The following HEATR4 variants were observed in gnomAD, a reference collection of about 807,000 sequenced individuals.
HEATR4 encodes the protein HEAT repeat containing 4, also known as HEAT repeat-containing protein 4.
Under a neutral mutation model 108.8 loss-of-function variants are expected in HEATR4, and 95 were observed. The observed-to-expected ratio is 0.87, with a 90% confidence interval of 0.74 to 1.04. The LOEUF is 1.04. Ranked by LOEUF, HEATR4 falls within the 50% of genes least tolerant of loss-of-function variation. HEATR4 has a pLI of 0.00. For synonymous variants in HEATR4, 443 were observed against 459.4 expected, an observed-to-expected ratio of 0.96 and a Z score of 0.46; for missense variants, 1,152 against 1,253.8, an observed-to-expected ratio of 0.92 and a Z score of 1.23.
the HEATR4 span, among the ~76,000 whole-genome samples, chr14:73,618,645 C>A: frequency 6.6e-6 from 1 of 152,104 alleles, no homozygotes; most frequent in African/African-American, 2.4e-5. Flanking sequence ...CTGTATTTAA[C>A]AGTTTGTTCA....
Position 73,522,926 on chromosome 14 carries a change from T to A in HEATR4, c.227A>T (p.Glu76Val). The A allele has an allele frequency of 6.2e-7, 1 of 1,614,144 alleles. No homozygotes were observed. Among genetic ancestry groups the A allele is most frequent in the South Asian group, 1.1e-5 (1 of 91,086 alleles). Residue 76 changes from glutamate (E) to valine (V), a missense_variant, in exon 3 of 18, where the codon GAG (glutamate) becomes GTG (valine). Transcript: ENST00000553558. Reference sequence around the variant, plus strand: ...GGGCAGGCCTCGCTGCCACACCACCTCCTGAGAGAAGGTAAGGTTTGCAGC... The same window carrying A: ...GGGCAGGCCTCGCTGCCACACCACCACCTGAGAGAAGGTAAGGTTTGCAGC... ...MAAANLTFSQ[E>V]VVWQRGLPSI...
chr14:73,484,940 G>T (rs1415089034), intron 17 of HEATR4, among the ~76,000 whole-genome samples: 1 of 151,922 alleles, frequency 6.6e-6, no homozygotes, highest in Non-Finnish European at 1.5e-5. Context: ...GAGGCAGGTG[G>T]ATCACCTGAG....
chr14:73,614,902 G>C, the HEATR4 span, among the ~76,000 whole-genome samples: 1 of 151,438 alleles, frequency 6.6e-6, no homozygotes, highest in East Asian at 2.0e-4. Flanking sequence ...TTCGAGACCA[G>C]CCTGACCAAC....
chr14:73,486,825 G>A (rs1326613802), intron 17 of HEATR4, among the ~76,000 whole-genome samples: 1 of 152,184 alleles, frequency 6.6e-6, no homozygotes, highest in African/African-American at 2.4e-5. Flanking sequence ...CTAATGATGG[G>A]ATGAATTTTG....
At chr14:73,580,042 G>C in the HEATR4 span, among the ~76,000 whole-genome samples, 10 of 152,168 alleles carry the variant, frequency 6.6e-5, no homozygotes, top group South Asian at 2.1e-3. Context: ...AGGTTGCAGT[G>C]AGCCAAGATT....
chr14:73,539,733 C>G lies in HEATR4; in HGVS notation c.-151-9489G>C, dbSNP rs1889012405. The G allele has an allele frequency of 1.7e-5, 2 of 118,978 alleles. 1 individual carries two copies. Among genetic ancestry groups the G allele is most frequent in the African/African-American group, 5.5e-5 (2 of 36,358 alleles). 7.4% of individuals were successfully genotyped at this position (118,978 alleles called of 1,614,324 possible). On this transcript the variant is annotated intron_variant, in intron 1 of 17. Coordinates refer to ENST00000553558, the MANE Select transcript of HEATR4 (RefSeq NM_001220484.1). The stretch of plus-strand genomic sequence containing the variant: ...AGCCCCACAGGATGCCGTCTGGAAG[C>G]TGCCAGCACGCGGTCCCTGTCCATC...
At position 73,512,291 on chromosome 14, in the gene HEATR4, T is replaced by C. The variant is rs1595117522; in HGVS notation, c.1415-142A>G. 4.3e-6 allele frequency: 4 copies of C among 924,866 alleles called. No individual in the cohort carries two copies. In the East Asian group the frequency reaches 1.1e-4, roughly 25 times the overall value. The allele number at this position is 924,866 out of a possible 1,614,324, so 57.3% of individuals were successfully genotyped here. On this transcript the variant is annotated intron_variant, in intron 6 of 17. Transcript: ENST00000553558. ...CTCAGAAGAATAAAGGGCCCAGAGA[T>C]GGGGTCTTTAGGGAGTTATTTCTCT...
At chr14:73,627,207 A>G in the HEATR4 span, among the ~76,000 whole-genome samples, 1 of 151,752 alleles carries the variant, frequency 6.6e-6, no homozygotes, top group African/African-American at 2.4e-5. Flanking sequence ...TCCCTGGTGC[A>G]ATTCTCTCAC....
At chr14:73,547,850 C>T (rs1889258527) in intron 1 of HEATR4, among the ~76,000 whole-genome samples, 1 of 115,528 alleles carries the variant, frequency 8.7e-6, no homozygotes, top group Non-Finnish European at 1.9e-5. Context: ...TGTGTTACTG[C>T]ACTCCAGCCT....
upstream of HEATR4, among the ~76,000 whole-genome samples, chr14:73,563,806 AAAATAAAT>A (rs1035763304): frequency 9.2e-5 from 14 of 151,896 alleles, 1 homozygote; most frequent in Non-Finnish European, 2.1e-4. Context: ...TAAAAATAAA[AAAATAAAT>A]AAATAAATGG....
the HEATR4 span, among the ~76,000 whole-genome samples, chr14:73,630,721 T>C: frequency 1.3e-5 from 2 of 152,216 alleles, no homozygotes; most frequent in Admixed American, 6.5e-5. Flanking sequence ...AAAATTACAG[T>C]AATATTTTGA....
intron 17 of HEATR4, among the ~76,000 whole-genome samples, chr14:73,484,833 G>GACAC (rs529857941): frequency 0.011 from 1,614 of 141,628 alleles, 26 homozygotes; most frequent in African/African-American, 0.036. Context: ...CACACACACA[G>GACAC]ACACACACAC....
the HEATR4 span, chr14:73,617,069 C>T: frequency 1.3e-5 from 18 of 1,419,140 alleles, no homozygotes; most frequent in Admixed American, 1.5e-4. Flanking sequence ...GCCTCCTGGC[C>T]GGACATGGTT....
the HEATR4 span, among the ~76,000 whole-genome samples, chr14:73,566,519 C>T: frequency 0.29 from 43,546 of 151,886 alleles, 7,287 homozygotes; most frequent in East Asian, 0.64. Context: ...TTGAGCACAG[C>T]GCCAGTGGGC....
At chr14:73,626,513 A>C in the HEATR4 span, among the ~76,000 whole-genome samples, 1 of 152,184 alleles carries the variant, frequency 6.6e-6, no homozygotes, top group African/African-American at 2.4e-5. Flanking sequence ...ATTTAAGGAA[A>C]GAAGCCATCT....
chr14:73,489,239 T>A (rs1412816620), intron 17 of HEATR4, among the ~76,000 whole-genome samples: 1 of 152,122 alleles, frequency 6.6e-6, no homozygotes. Context: ...GCCCCCTATA[T>A]GACATTGCCA....
intron 17 of HEATR4, chr14:73,491,814 G>GCTAC (rs1566820113): frequency 3.7e-6 from 6 of 1,602,732 alleles, no homozygotes; most frequent in Non-Finnish European, 5.1e-6. Flanking sequence ...GACGCCGCTC[G>GCTAC]CTACATCAAC....
intron 17 of HEATR4, among the ~76,000 whole-genome samples, chr14:73,488,975 T>C (rs566967704): frequency 3.2e-4 from 48 of 152,086 alleles, no homozygotes; most frequent in Middle Eastern, 3.4e-3. Context: ...TGAGCCAAGA[T>C]TGGGCCATTG....
At chr14:73,581,877 AC>A in the HEATR4 span, 1 of 70,274 alleles carries the variant, frequency 1.4e-5, no homozygotes. Flanking sequence ...TTGAATCTTT[AC>A]CAGGGCTTCC....
Sources: gnomAD v4.1 joint callset for allele counts (sites outside exome capture counted in the v4.1 genomes callset) on GRCh38, gnomAD v4.1.1 for gene constraint, MANE v1.5 for transcripts, NCBI Gene and HGNC (gene_info 2026-07-23, HGNC 2026-07-21) for gene names.